The following COMMD5 variants were observed in gnomAD, a reference collection of about 807,000 sequenced individuals.
The protein encoded by COMMD5 is COMM domain containing 5.
A neutral mutation model predicts 6.9 loss-of-function variants in COMMD5; 10 were observed. That is an observed-to-expected ratio of 1.44 (90% confidence interval 0.89 to 2.45). The LOEUF is 2.45. Ranked by LOEUF, COMMD5 falls within the 30% of genes most tolerant of loss-of-function variation. The pLI is 0.00. For synonymous variants in COMMD5, 127 were observed against 125.3 expected (o/e 1.01, Z -0.09); for missense variants, 234 against 287.8 (o/e 0.81, Z 1.35).
chr8:144,840,066 C>T (rs1163213360), downstream of COMMD5, among the ~76,000 whole-genome samples: 5 of 152,240 alleles, frequency 3.3e-5, no homozygotes, highest in Non-Finnish European at 7.3e-5. Context: ...TCCCAAGTAG[C>T]CGGGATTACA....
chr8:144,840,234 C>G (rs184662865), downstream of COMMD5, among the ~76,000 whole-genome samples: 312 of 152,344 alleles, frequency 2.0e-3, 2 homozygotes, highest in African/African-American at 7.3e-3. Flanking sequence ...CTGGAGATGC[C>G]TCCTGTCCTC....
chr8:144,843,674 G>A (rs1586848715), intron 1 of COMMD5: 1 of 151,696 alleles, frequency 6.6e-6, no homozygotes, highest in African/African-American at 2.4e-5. Flanking sequence ...GTTCAATAAA[G>A]CCTGTGTCCC....
In COMMD5 at chr8:144,851,037, G is replaced by A. The variant is rs1174921155; in HGVS notation, c.302C>T (p.Pro101Leu). The change falls in exon 2 of 2, where the codon CCC (proline) becomes CTC (leucine). Residue 101 changes from proline (P) to leucine (L), a missense_variant. Transcript: ENST00000305103. ...TLLQQALRLP[P>L]TSLKPDTFRD... Reference sequence around the variant, plus strand: ...GAAGGTGTCAGGCTTCAGGCTGGTGGGGGGCAGACGGAGGGCCTGCTGGAG... The same window carrying A: ...GAAGGTGTCAGGCTTCAGGCTGGTGAGGGGCAGACGGAGGGCCTGCTGGAG... 1.2e-6 allele frequency: 2 copies of A among 1,612,548 alleles called. No individual in the cohort carries two copies. The highest frequency in any genetic ancestry group is 1.7e-6 in the Non-Finnish European group (2 of 1,179,820).
At chr8:144,853,311 C>G (rs1234225176), upstream of COMMD5, 1 of 152,224 alleles carries the variant, frequency 6.6e-6, no homozygotes, top group Non-Finnish European at 1.5e-5. Context: ...TCCCCGCCCG[C>G]GCAGAGTGAG....
At chr8:144,843,330 C>T in intron 1 of COMMD5, 3 of 859,036 alleles carry the variant, frequency 3.5e-6, no homozygotes, top group African/African-American at 3.4e-5. Context: ...TGGCTTATGC[C>T]TGTCATCCCA....
At position 144,851,057 on chromosome 8, in the gene COMMD5, C is replaced by T; in HGVS notation, c.282G>A (p.Gln94=). ...ALLAGMHTLL[Q]QALRLPPTSL... ...TGGTGGGGGGCAGACGGAGGGCCTG[C>T]TGGAGCAGTGTGTGCATGCCTGCCA... Residue 94 remains glutamine (Q), a synonymous_variant, in exon 2 of 2, where the codon CAG becomes CAA. Coordinates refer to ENST00000305103, the MANE Select transcript of COMMD5 (RefSeq NM_014066.4). 1 of 1,612,468 alleles carries T rather than the reference C, an allele frequency of 6.2e-7. No homozygotes were observed. Among genetic ancestry groups the T allele is most frequent in the South Asian group, 1.1e-5 (1 of 91,012 alleles).
chr8:144,840,855 G>GGTGCC (rs1483389674), downstream of COMMD5, among the ~76,000 whole-genome samples: 2 of 152,160 alleles, frequency 1.3e-5, no homozygotes, highest in Admixed American at 1.3e-4. Flanking sequence ...GAACGGCCTA[G>GGTGCC]GTGCCCAGTG....
At chr8:144,842,816 A>G (rs1287711247) in intron 1 of COMMD5, 9 of 1,614,236 alleles carry the variant, frequency 5.6e-6, no homozygotes, top group Non-Finnish European at 7.6e-6. Flanking sequence ...ACCCTTTTCC[A>G]ACACCAGATA....
downstream of COMMD5, among the ~76,000 whole-genome samples, chr8:144,845,319 T>C (rs963074753): frequency 1.3e-5 from 2 of 152,006 alleles, no homozygotes; most frequent in Admixed American, 6.5e-5. Flanking sequence ...CAGGCACAGC[T>C]GAGAAACTCG....
downstream of COMMD5, chr8:144,838,578 C>T (rs1829370981): frequency 6.2e-6 from 1 of 161,622 alleles, no homozygotes; most frequent in African/African-American, 2.4e-5. Flanking sequence ...AGGGCAGGAC[C>T]AGGTCCTACA....
chr8:144,851,564 C>T (rs139623903), intron 1 of COMMD5, among the ~76,000 whole-genome samples, 169 bp from the exon 2 acceptor site: 180 of 151,964 alleles, frequency 1.2e-3, no homozygotes, highest in African/African-American at 4.2e-3. Context: ...CCATGTCAGT[C>T]CCAGGAGGAG....
chr8:144,853,095 G>A (rs1370494768), upstream of COMMD5: 2 of 152,352 alleles, frequency 1.3e-5, no homozygotes, highest in African/African-American at 4.8e-5. Context: ...AGCAATGACC[G>A]CCCCACTGTG....
downstream of COMMD5, chr8:144,846,335 C>T: frequency 4.4e-6 from 3 of 681,014 alleles, no homozygotes; most frequent in Non-Finnish European, 7.2e-6. Context: ...CCATTCGTAG[C>T]TTTTTACATT....
downstream of COMMD5, chr8:144,838,133 T>G (rs1293930653): frequency 1.4e-6 from 1 of 702,908 alleles, no homozygotes; most frequent in Non-Finnish European, 2.6e-6. Flanking sequence ...AGTCCTTGGG[T>G]TCCTTGGCTT....
rs1299638812 is a variant in COMMD5, at chr8:144,851,368, C to A, written c.-30G>T. On this transcript the variant is annotated 5_prime_UTR_variant, in exon 2 of 2. Transcript: ENST00000305103. ...GCTGCTTCCTCTTTGATCAGCCAGCCCAGGAGGTCGGTCCCAGATGCAGAT... is the reference window on the plus strand; with the variant it reads ...GCTGCTTCCTCTTTGATCAGCCAGCACAGGAGGTCGGTCCCAGATGCAGAT... The A allele has an allele frequency of 1.3e-6, 2 of 1,579,026 alleles. No homozygotes were observed. Among genetic ancestry groups the A allele is most frequent in the Admixed American group, 3.5e-5 (2 of 57,624 alleles).
chr8:144,852,742 G>A (rs1007820171), intron 1 of COMMD5, 97 bp downstream of exon 1: 1 of 152,238 alleles, frequency 6.6e-6, no homozygotes, highest in African/African-American at 2.4e-5. Context: ...CTCTGATGGG[G>A]GCGCGGCGTC....
At chr8:144,851,452 G>A (rs990459465) in intron 1 of COMMD5, 57 bp from the exon 2 acceptor site, 2 of 1,195,196 alleles carry the variant, frequency 1.7e-6, no homozygotes, top group Non-Finnish European at 2.4e-6. Flanking sequence ...GGGCCAGCGA[G>A]TGAGGGTTGA....
downstream of COMMD5, among the ~76,000 whole-genome samples, chr8:144,840,805 T>A (rs1563838330): frequency 6.6e-6 from 1 of 152,122 alleles, no homozygotes; most frequent in Non-Finnish European, 1.5e-5. Flanking sequence ...CTGAGGGGGC[T>A]GGGTCCTGCT....
Position 144,841,480 on chromosome 8 carries a change from G to A in COMMD5, c.*380C>T, listed in dbSNP as rs758318623. On this transcript the variant is annotated 3_prime_UTR_variant and NMD_transcript_variant, in exon 2 of 2. Transcript: ENST00000530332. ...TCCTCAGAATCCTGGCTTTGGAGAC[G>A]TTTCTGATTCTGAGGTCTGGTTAGA... 55 of 1,614,094 alleles carry A rather than the reference G, an allele frequency of 3.4e-5. No homozygotes were observed. The highest frequency in any genetic ancestry group is 5.0e-5 in the Admixed American group (3 of 60,008).
Sources: allele counts gnomAD v4.1 joint callset (sites outside exome capture counted in the v4.1 genomes callset), GRCh38; gene constraint gnomAD v4.1.1; transcripts MANE v1.5; gene names NCBI Gene and HGNC (gene_info 2026-07-23, HGNC 2026-07-21).